PCDH9: variants seen among roughly 807,000 people sequenced by gnomAD.
PCDH9 encodes the protein protocadherin-9.
PCDH9 carries 24 observed loss-of-function variants against 70.6 expected under a neutral mutation model. The ratio of observed to expected loss-of-function variants is 0.34; its 90% CI spans 0.25 to 0.48. PCDH9 has a LOEUF of 0.48. Ranked by LOEUF, PCDH9 falls within the 20% of genes least tolerant of loss-of-function variation. The pLI is 0.99. For missense variants in PCDH9, 1,281 were observed against 1,503.6 expected (o/e 0.85, Z 2.45); for synonymous variants, 562 against 558.5 (o/e 1.01, Z -0.09).
chr13:66,583,540 C>T (rs1025608925), intron 4 of PCDH9, among the ~76,000 whole-genome samples: 2 of 151,068 alleles, frequency 1.3e-5, no homozygotes, highest in African/African-American at 4.9e-5. Flanking sequence ...TGAATTCCGG[C>T]GGGGCGGAAG....
At chr13:66,445,013 A>G (rs1212559040) in intron 4 of PCDH9, among the ~76,000 whole-genome samples, 1 of 148,896 alleles carries the variant, frequency 6.7e-6, no homozygotes, top group Non-Finnish European at 1.5e-5. Context: ...GAAAAATTGT[A>G]ACACACGATG....
intron 3 of PCDH9, among the ~76,000 whole-genome samples, chr13:66,795,809 G>T (rs1465455152): frequency 6.6e-6 from 1 of 152,132 alleles, no homozygotes; most frequent in East Asian, 1.9e-4. Flanking sequence ...AACTTTTACT[G>T]TGGCTATAAA....
At chr13:66,953,354 C>T (rs2083215080) in intron 2 of PCDH9, among the ~76,000 whole-genome samples, 1 of 152,142 alleles carries the variant, frequency 6.6e-6, no homozygotes, top group Admixed American at 6.5e-5. Context: ...ATCCCCATAT[C>T]CCCAGTGCCT....
intron 4 of PCDH9, among the ~76,000 whole-genome samples, chr13:66,449,276 A>G (rs979807920): frequency 6.6e-6 from 1 of 152,196 alleles, no homozygotes; most frequent in Non-Finnish European, 1.5e-5. Flanking sequence ...GTGAAACTGA[A>G]TATCATTTCA....
intron 2 of PCDH9, among the ~76,000 whole-genome samples, chr13:67,163,928 T>G (rs1239710088): frequency 6.6e-6 from 1 of 152,168 alleles, no homozygotes; most frequent in Non-Finnish European, 1.5e-5. Context: ...AAGTAAAAGA[T>G]AATGGGGGTC....
chr13:66,947,206 C>A (rs1168144181), intron 2 of PCDH9, among the ~76,000 whole-genome samples: 1 of 152,114 alleles, frequency 6.6e-6, no homozygotes, highest in African/African-American at 2.4e-5. Context: ...ACATTTATAT[C>A]TCTGACCCCT....
intron 4 of PCDH9, among the ~76,000 whole-genome samples, chr13:66,565,781 C>G (rs1218030545): frequency 6.6e-6 from 1 of 152,084 alleles, no homozygotes; most frequent in Non-Finnish European, 1.5e-5. Flanking sequence ...ATATACATTC[C>G]TTCAACAACA....
intron 4 of PCDH9, among the ~76,000 whole-genome samples, chr13:66,306,807 A>G (rs917281025): frequency 2.0e-5 from 3 of 151,896 alleles, no homozygotes; most frequent in African/African-American, 7.3e-5. Flanking sequence ...TTTAATTTAA[A>G]CTTCTCTATG....
intron 2 of PCDH9, among the ~76,000 whole-genome samples, chr13:67,004,614 T>G (rs183018992): frequency 3.9e-5 from 6 of 151,964 alleles, no homozygotes; most frequent in African/African-American, 1.4e-4. Flanking sequence ...ATTTTTGTTA[T>G]AACATATTTC....
At chr13:67,105,035 T>C (rs1202832549) in intron 2 of PCDH9, among the ~76,000 whole-genome samples, 1 of 152,124 alleles carries the variant, frequency 6.6e-6, no homozygotes, top group Non-Finnish European at 1.5e-5. Context: ...CTAACACTGC[T>C]ACATCTAGTC....
chr13:66,739,778 C>A (rs1471565186), intron 3 of PCDH9, among the ~76,000 whole-genome samples: 6 of 143,300 alleles, frequency 4.2e-5, no homozygotes, highest in Admixed American at 2.8e-4. Flanking sequence ...ATCAATTCAA[C>A]AAGAGGAGCT....
chr13:67,186,375 T>C (rs2088760609), intron 2 of PCDH9, among the ~76,000 whole-genome samples: 1 of 152,128 alleles, frequency 6.6e-6, no homozygotes, highest in Non-Finnish European at 1.5e-5. Flanking sequence ...GACGAGGAAA[T>C]GTCTACAGCA....
At chr13:67,026,219 T>A (rs958954018) in intron 2 of PCDH9, among the ~76,000 whole-genome samples, 2 of 152,146 alleles carry the variant, frequency 1.3e-5, no homozygotes, top group African/African-American at 4.8e-5. Flanking sequence ...TGGATAAGCT[T>A]TTTGATGTGC....
At chr13:67,018,825 C>G (rs567846176) in intron 2 of PCDH9, among the ~76,000 whole-genome samples, 31 of 152,206 alleles carry the variant, frequency 2.0e-4, no homozygotes, top group Non-Finnish European at 3.7e-4. Flanking sequence ...ATTACATTTT[C>G]TTTCTGAAAT....
At chr13:67,073,339 A>T (rs892080258) in intron 2 of PCDH9, among the ~76,000 whole-genome samples, 36 of 152,282 alleles carry the variant, frequency 2.4e-4, no homozygotes, top group African/African-American at 7.9e-4. Flanking sequence ...CAATAATATT[A>T]TGATGAAACT....
intron 3 of PCDH9, among the ~76,000 whole-genome samples, chr13:66,807,344 G>A (rs2080426736): frequency 6.6e-6 from 1 of 152,152 alleles, no homozygotes; most frequent in African/African-American, 2.4e-5. Context: ...CTGGATTTGT[G>A]CAACACTATT....
rs1346471278 is a variant in PCDH9 at position 67,227,909 on chromosome 13, G to T, written c.532C>A (p.His178Asn). Residue 178 changes from histidine to asparagine, a missense_variant, in exon 2 of 5, where the codon CAT becomes AAT. His to Asn is a moderately conservative substitution (Grantham distance 68). Around this residue, in one of 4 missense-constraint regions of PCDH9, gnomAD observed 798 missense variants for 1,003.1 expected, o/e 0.80. Transcript: ENST00000377865. The surrounding 1 kb of genome is among the most constrained non-coding windows in gnomAD (Gnocchi z 4.6). Reference protein sequence around the residue: ...DPDTGFNGVQHYELLNGQSVF... With the variant: ...DPDTGFNGVQNYELLNGQSVF... ...CTCTGCCCATTTAACAATTCATAAT[G>T]CTGTACACCATTGAAGCCTGTGTCA... 6.2e-7 allele frequency: 1 copy of T among 1,614,068 alleles called. No homozygotes were observed. Among genetic ancestry groups the T allele is most frequent in the Non-Finnish European group, 8.5e-7 (1 of 1,179,964 alleles).
chr13:66,988,198 G>C (rs1333711856), intron 2 of PCDH9, among the ~76,000 whole-genome samples: 1 of 151,964 alleles, frequency 6.6e-6, no homozygotes, highest in Non-Finnish European at 1.5e-5. Flanking sequence ...TACTTCCTAA[G>C]AAATGAAAGT....
intron 3 of PCDH9, among the ~76,000 whole-genome samples, chr13:66,812,610 G>A (rs533768187): frequency 1.2e-4 from 18 of 152,128 alleles, no homozygotes; most frequent in Non-Finnish European, 2.5e-4. Context: ...GTATGTGCAA[G>A]AAACAGAGCA....
Sources: allele counts gnomAD v4.1 joint callset (sites outside exome capture counted in the v4.1 genomes callset), GRCh38; gene constraint gnomAD v4.1.1; regional missense constraint gnomAD v4.1.1; non-coding constraint Gnocchi (gnomAD v3.1); transcripts MANE v1.5; gene names NCBI Gene and HGNC (gene_info 2026-07-23, HGNC 2026-07-21).